Variants in ASPH observed in about 807,000 individuals in gnomAD.
The protein encoded by ASPH is aspartyl/asparaginyl beta-hydroxylase.
In ASPH, 100 loss-of-function variants were observed where a neutral mutation model predicts 118.4. The observed-to-expected ratio is 0.84, with a 90% CI of 0.72 to 1.00. ASPH has a LOEUF of 1.00. ASPH is among the 50% of genes least tolerant of loss of function. ASPH has a pLI of 0.00. For synonymous variants in ASPH, 315 were observed against 325.6 expected (o/e 0.97, Z 0.35); for missense variants, 920 against 919.5 (o/e 1.00, Z -0.01).
chr8:61,537,274 C>T (rs969438936), intron 21 of ASPH, among the ~76,000 whole-genome samples: 5 of 152,228 alleles, frequency 3.3e-5, no homozygotes, highest in Non-Finnish European at 5.9e-5. Flanking sequence ...AGCAGCCCCA[C>T]AGTCACTAAT....
At chr8:61,573,483 C>T (rs1490825599) in intron 16 of ASPH, among the ~76,000 whole-genome samples, 1 of 152,110 alleles carries the variant, frequency 6.6e-6, no homozygotes, top group Non-Finnish European at 1.5e-5. Flanking sequence ...GCTATAGTAA[C>T]CAAAACAGCA....
At chr8:61,633,620 G>T in intron 13 of ASPH, 63 bp downstream of exon 13, 1 of 1,336,482 alleles carries the variant, frequency 7.5e-7, no homozygotes, top group Non-Finnish European at 1.0e-6. Flanking sequence ...AAAGCTATTG[G>T]TAATATTAAC....
intron 16 of ASPH, among the ~76,000 whole-genome samples, chr8:61,572,770 A>G (rs1244324612): frequency 2.0e-5 from 3 of 152,092 alleles, no homozygotes; most frequent in Non-Finnish European, 4.4e-5. Context: ...TCAGTAACCA[A>G]AGCAAACTTT....
At chr8:61,673,966 C>T (rs572612048) in intron 3 of ASPH, among the ~76,000 whole-genome samples, 1 of 152,124 alleles carries the variant, frequency 6.6e-6, no homozygotes, top group East Asian at 1.9e-4. Flanking sequence ...AAATTTTTAT[C>T]CCACATTCTT....
At chr8:61,594,003 A>G (rs936024027) in intron 14 of ASPH, among the ~76,000 whole-genome samples, 2 of 152,256 alleles carry the variant, frequency 1.3e-5, no homozygotes, top group African/African-American at 2.4e-5. Flanking sequence ...GTATATACTC[A>G]GCAGCGGATA....
intron 22 of ASPH, among the ~76,000 whole-genome samples, chr8:61,518,712 A>C (rs1404576826): frequency 6.6e-6 from 1 of 152,262 alleles, no homozygotes; most frequent in Non-Finnish European, 1.5e-5. Flanking sequence ...TCTGTTTACA[A>C]GATGAATTGA....
At chr8:61,639,734 C>T (rs1752975578) in intron 10 of ASPH, among the ~76,000 whole-genome samples, 1 of 152,176 alleles carries the variant, frequency 6.6e-6, no homozygotes, top group African/African-American at 2.4e-5. Context: ...TCAAACACCA[C>T]CAAATGGCTC....
At chr8:61,562,403 G>C (rs922499324) in intron 18 of ASPH, among the ~76,000 whole-genome samples, 1 of 149,406 alleles carries the variant, frequency 6.7e-6, no homozygotes, top group African/African-American at 2.5e-5. Flanking sequence ...GTGTGTGTGT[G>C]TGTGTGTGTG....
chr8:61,507,157 A>G (rs1017510072), intron 24 of ASPH, among the ~76,000 whole-genome samples: 2 of 152,226 alleles, frequency 1.3e-5, no homozygotes, highest in African/African-American at 4.8e-5. Context: ...GAACTGGGAA[A>G]AGTTATTAGC....
chr8:61,593,131 C>T (rs973486641), intron 14 of ASPH, among the ~76,000 whole-genome samples: 2 of 152,180 alleles, frequency 1.3e-5, no homozygotes, highest in Admixed American at 6.5e-5. Context: ...AATCTGCTCT[C>T]ATATTGAGAG....
At chr8:61,684,488 T>C in intron 1 of ASPH, 1 of 234,390 alleles carries the variant, frequency 4.3e-6, no homozygotes, top group Non-Finnish European at 8.3e-6. Context: ...ATATTACCTC[T>C]TTCCAAAGGC....
chr8:61,580,235 C>T (rs1457047570), intron 15 of ASPH, among the ~76,000 whole-genome samples: 9 of 152,156 alleles, frequency 5.9e-5, no homozygotes, highest in South Asian at 4.1e-4. Context: ...GGATGGTGGC[C>T]GTCTTCTCAC....
At chr8:61,635,526 G>A (rs1299379929) in intron 12 of ASPH, among the ~76,000 whole-genome samples, 1 of 151,982 alleles carries the variant, frequency 6.6e-6, no homozygotes, top group African/African-American at 2.4e-5. Flanking sequence ...CTGATCTGGG[G>A]CGTTTTATTT....
intron 24 of ASPH, among the ~76,000 whole-genome samples, chr8:61,504,159 G>A (rs1805538538): frequency 6.6e-6 from 1 of 152,166 alleles, no homozygotes; most frequent in South Asian, 2.1e-4. Context: ...TATCTGTATA[G>A]GGACTGCGAT....
intron 1 of ASPH, among the ~76,000 whole-genome samples, chr8:61,695,033 T>C (rs555525867): frequency 2.0e-5 from 3 of 152,348 alleles, no homozygotes; most frequent in Non-Finnish European, 4.4e-5. Flanking sequence ...GGCCAAGATA[T>C]GGATTCTCCT....
At chr8:61,523,278 G>A (rs1413235426) in intron 22 of ASPH, among the ~76,000 whole-genome samples, 8 of 151,278 alleles carry the variant, frequency 5.3e-5, no homozygotes, top group East Asian at 1.9e-4. Context: ...CATAAGCTAC[G>A]ATAGTACTTG....
rs1226356971 is a variant in ASPH, at chr8:61,526,214, T to C, written c.1765-102A>G. 4.1e-6 allele frequency: 6 copies of C among 1,450,722 alleles called. No individual in the cohort carries two copies. In the African/African-American group the frequency reaches 5.7e-5, roughly 14 times the overall value. The allele number at this position is 1,450,722 out of a possible 1,614,324, so 89.9% of individuals were successfully genotyped here. On this transcript the variant is annotated intron_variant, in intron 21 of 24. Coordinates refer to ENST00000379454, the MANE Select transcript of ASPH (RefSeq NM_004318.4). The stretch of plus-strand genomic sequence containing the variant: ...GAGGTTCGTCTCAGAAAGGAACTAA[T>C]TCTTTGCCTTATCTAGATTGCTTAT...
chr8:61,676,244 G>A, intron 3 of ASPH: 1 of 1,594,534 alleles, frequency 6.3e-7, no homozygotes, highest in Non-Finnish European at 8.5e-7. Context: ...AAACCAATCT[G>A]AACTTTCCTC....
chr8:61,607,324 T>C lies in ASPH; in HGVS notation c.976+11654A>G, dbSNP rs1219370846. On this transcript the variant is annotated intron_variant, in intron 14 of 24. Coordinates refer to ENST00000379454, the MANE Select transcript of ASPH (RefSeq NM_004318.4). The stretch of plus-strand genomic sequence containing the variant: ...TTTCACCAGACGCAAATGAGTCCTC[T>C]GTAAATGAAAGTGTGTCGGAATATA... 1.1e-5 allele frequency: 8 copies of C among 701,444 alleles called. No individual in the cohort carries two copies. The South Asian group carries it at 1.2e-4, about 10-fold the overall frequency. The allele number at this position is 701,444 out of a possible 1,614,324, so 43.5% of individuals were successfully genotyped here.
Sources: allele counts gnomAD v4.1 joint callset (sites outside exome capture counted in the v4.1 genomes callset), GRCh38; gene constraint gnomAD v4.1.1; transcripts MANE v1.5; gene names NCBI Gene and HGNC (gene_info 2026-07-23, HGNC 2026-07-21).